The following TAFA1 variants were observed in gnomAD, a reference collection of about 807,000 sequenced individuals.
The protein encoded by TAFA1 is TAFA chemokine like family member 1.
TAFA1 carries 4 observed loss-of-function variants against 18.5 expected under a neutral mutation model. The ratio of observed to expected loss-of-function variants is 0.22; its 90% CI spans 0.11 to 0.49. The LOEUF (loss-of-function observed/expected upper bound fraction) is 0.49. TAFA1 is among the 20% of genes least tolerant of loss of function. TAFA1 has a pLI of 0.98. For missense variants in TAFA1, 147 were observed against 169.0 expected, an observed-to-expected ratio of 0.87 and a Z score of 0.72; for synonymous variants, 56 against 55.2, an observed-to-expected ratio of 1.01 and a Z score of -0.06.
chr3:68,469,459 A>T (rs959668210), intron 3 of TAFA1, among the ~76,000 whole-genome samples: 10 of 152,072 alleles, frequency 6.6e-5, no homozygotes, highest in Non-Finnish European at 1.2e-4. Flanking sequence ...TGGATCACGA[A>T]GTCAGGAGAT....
chr3:68,090,622 T>C (rs1475709628), intron 2 of TAFA1, among the ~76,000 whole-genome samples: 2 of 152,154 alleles, frequency 1.3e-5, no homozygotes, highest in Admixed American at 1.3e-4. Flanking sequence ...GATTCCTTGT[T>C]CAATGTTGGC....
intron 2 of TAFA1, among the ~76,000 whole-genome samples, chr3:68,275,617 G>T (rs17231482): frequency 0.085 from 12,952 of 151,876 alleles, 719 homozygotes; most frequent in South Asian, 0.18. Flanking sequence ...GATAGAGCAA[G>T]TTTAGAGGAG....
At chr3:68,084,796 TAAA>T (rs764180966) in intron 2 of TAFA1, among the ~76,000 whole-genome samples, 2 of 122,400 alleles carry the variant, frequency 1.6e-5, no homozygotes, top group East Asian at 2.3e-4. Context: ...AGACTCCGTC[TAAA>T]AAAAAAAAAA....
At chr3:68,201,026 T>C (rs2066463996) in intron 2 of TAFA1, among the ~76,000 whole-genome samples, 1 of 151,670 alleles carries the variant, frequency 6.6e-6, no homozygotes, top group Admixed American at 6.6e-5. Context: ...TTCTCTCTTA[T>C]GTCTGCTTTG....
At chr3:68,316,678 T>C (rs1320957287) in intron 2 of TAFA1, among the ~76,000 whole-genome samples, 1 of 152,186 alleles carries the variant, frequency 6.6e-6, no homozygotes, top group Non-Finnish European at 1.5e-5. Flanking sequence ...ATTGACCACT[T>C]TGTACATGCC....
intron 2 of TAFA1, among the ~76,000 whole-genome samples, chr3:68,223,854 A>T (rs1014765965): frequency 1.3e-5 from 2 of 152,052 alleles, no homozygotes; most frequent in Non-Finnish European, 2.9e-5. Flanking sequence ...TCTGGGAATC[A>T]CCATGCTTTA....
chr3:68,378,738 C>T (rs968210129), intron 2 of TAFA1, among the ~76,000 whole-genome samples: 3 of 152,088 alleles, frequency 2.0e-5, no homozygotes, highest in Admixed American at 6.5e-5. Context: ...GTGATTGGAT[C>T]GTGGGAGAGG....
intron 2 of TAFA1, among the ~76,000 whole-genome samples, chr3:68,057,437 C>T (rs1378495385): frequency 6.6e-6 from 1 of 152,210 alleles, no homozygotes; most frequent in African/African-American, 2.4e-5. Context: ...TCCAATGCTT[C>T]ATTTAAATAT....
In TAFA1 at chr3:68,071,789, G is replaced by A. The variant is rs535850931; in HGVS notation, c.118+65045G>A. 1.2e-4 allele frequency among the ~76,000 whole-genome samples: 18 copies of A among 152,228 alleles called. No homozygotes were observed. The South Asian group carries it at 3.3e-3, about 28-fold the overall frequency. On this transcript the variant is annotated intron_variant, in intron 2 of 4. Transcript: ENST00000478136. ...TGCTCGGCTTCTGGGGAGGCCTCAG[G>A]AAGGTTTTATTAATGGCAGAAGGCA...
chr3:68,348,786 G>A (rs953089586), intron 2 of TAFA1, among the ~76,000 whole-genome samples: 24 of 151,960 alleles, frequency 1.6e-4, no homozygotes, highest in African/African-American at 4.8e-5. Context: ...AACTCAACAT[G>A]CAATGTAAGA....
chr3:68,487,187 G>A (rs907736574), intron 3 of TAFA1, among the ~76,000 whole-genome samples: 1 of 152,178 alleles, frequency 6.6e-6, no homozygotes, highest in Admixed American at 6.5e-5. Context: ...ATATTATAAT[G>A]TCAGGGAAGC....
intron 2 of TAFA1, among the ~76,000 whole-genome samples, chr3:68,276,907 A>C (rs2067807721): frequency 3.9e-5 from 6 of 152,188 alleles, no homozygotes; most frequent in Admixed American, 3.9e-4. Flanking sequence ...TACAGTTTTA[A>C]TAATTTTAAA....
At chr3:68,241,160 T>C (rs1245911479) in intron 2 of TAFA1, among the ~76,000 whole-genome samples, 2 of 152,144 alleles carry the variant, frequency 1.3e-5, no homozygotes, top group African/African-American at 4.8e-5. Context: ...AAATTAGGGT[T>C]GCAAAATAGT....
intron 3 of TAFA1, among the ~76,000 whole-genome samples, chr3:68,424,486 A>T (rs2071017391): frequency 6.6e-6 from 1 of 151,990 alleles, no homozygotes; most frequent in Non-Finnish European, 1.5e-5. Context: ...AATTTGACAG[A>T]TGTAACTTTA....
chr3:68,329,360 C>T (rs768316227), intron 2 of TAFA1, among the ~76,000 whole-genome samples: 6 of 151,760 alleles, frequency 4.0e-5, no homozygotes, highest in Non-Finnish European at 7.4e-5. Flanking sequence ...GCCACAGCGC[C>T]CAGCCACTTG....
At chr3:68,480,236 C>A (rs1021250139) in intron 3 of TAFA1, among the ~76,000 whole-genome samples, 350 of 126,708 alleles carry the variant, frequency 2.8e-3, no homozygotes, top group South Asian at 3.4e-3. Flanking sequence ...ACTAAAAATA[C>A]AAAAAAAAAA....
chr3:68,324,922 C>T (rs560184480), intron 2 of TAFA1, among the ~76,000 whole-genome samples: 1 of 152,228 alleles, frequency 6.6e-6, no homozygotes, highest in African/African-American at 2.4e-5. Flanking sequence ...TATGCTCAGA[C>T]GTGGTTAGAA....
In TAFA1 at chr3:68,199,854, T is replaced by C. The variant is rs904123017; in HGVS notation, c.118+193110T>C. Among the ~76,000 whole-genome samples the C allele has an allele frequency of 1.1e-4, 17 of 151,484 alleles. 1 individual carries two copies. Among genetic ancestry groups the C allele is most frequent in the Admixed American group, 9.9e-4 (15 of 15,190 alleles). ...CTTTGCTTTTCTTGTCTTATTCCAT[T>C]AGCTAGGACTTCCAGTATGAACATT... On this transcript the variant is annotated intron_variant, in intron 2 of 4. Transcript: ENST00000478136.
chr3:68,481,027 G>A (rs1171244369), intron 3 of TAFA1, among the ~76,000 whole-genome samples: 5 of 152,144 alleles, frequency 3.3e-5, no homozygotes, highest in Admixed American at 2.6e-4. Context: ...CACCATGATT[G>A]TGAGGCCTTC....
Sources: allele counts gnomAD v4.1 joint callset (sites outside exome capture counted in the v4.1 genomes callset), GRCh38; gene constraint gnomAD v4.1.1; transcripts MANE v1.5; gene names NCBI Gene and HGNC (gene_info 2026-07-23, HGNC 2026-07-21).